Variants in ITGA9 observed in about 807,000 individuals in gnomAD.
ITGA9 encodes the protein integrin alpha-9.
Under a neutral mutation model 127.8 loss-of-function variants are expected in ITGA9, and 56 were observed. The ratio of observed to expected loss-of-function variants is 0.44; its 90% confidence interval spans 0.35 to 0.55. The LOEUF (loss-of-function observed/expected upper bound fraction) is 0.55, where lower values mean the gene tolerates loss of function less well. Ranked by LOEUF, ITGA9 falls within the 20% of genes least tolerant of loss-of-function variation. ITGA9 has a pLI of 0.00. For missense variants in ITGA9, 1,196 were observed against 1,347.1 expected (o/e 0.89, Z 1.76); for synonymous variants, 508 against 514.5 (o/e 0.99, Z 0.17).
At chr3:37,526,889 T>C (rs985226931) in intron 13 of ITGA9, among the ~76,000 whole-genome samples, 4 of 152,256 alleles carry the variant, frequency 2.6e-5, no homozygotes, top group Admixed American at 1.3e-4. Flanking sequence ...ACTGCAGGGC[T>C]ACACAGCCTC....
intron 16 of ITGA9, among the ~76,000 whole-genome samples, chr3:37,641,076 G>A (rs868837043): frequency 9.9e-5 from 15 of 152,134 alleles, no homozygotes; most frequent in Admixed American, 2.0e-4. Context: ...CTGCAGGCCC[G>A]TGGGTGGGCT....
intron 12 of ITGA9, among the ~76,000 whole-genome samples, chr3:37,524,422 T>C (rs1234704302): frequency 2.6e-5 from 4 of 152,306 alleles, no homozygotes; most frequent in Middle Eastern, 3.4e-3. Flanking sequence ...GGACACCACA[T>C]TGTGTATTTT....
chr3:37,452,639 C>G lies in ITGA9; in HGVS notation c.185+80C>G, dbSNP rs1440799713. The G allele has an allele frequency of 2.4e-6, 3 of 1,249,516 alleles. No homozygotes were observed. Among genetic ancestry groups the G allele is most frequent in the Non-Finnish European group, 3.2e-6 (3 of 947,978 alleles). 77.4% of individuals were successfully genotyped at this position (1,249,516 alleles called of 1,614,324 possible). On this transcript the variant is annotated intron_variant, in intron 1 of 27. Transcript: ENST00000264741. This position sits in a 1 kb window ranked among gnomAD's most constrained non-coding sequence, Gnocchi z 7.3. ...CCAGGCCAGCGCCGCCGCCGCCTTTCCGGTCTCTTCCACGCCGCCGTCCCG... is the reference window on the plus strand; with the variant it reads ...CCAGGCCAGCGCCGCCGCCGCCTTTGCGGTCTCTTCCACGCCGCCGTCCCG...
intron 15 of ITGA9, among the ~76,000 whole-genome samples, chr3:37,566,352 T>G (rs1029810642): frequency 6.6e-6 from 1 of 152,182 alleles, no homozygotes; most frequent in African/African-American, 2.4e-5. Context: ...GGCATGAGAT[T>G]TCATCACACT....
At chr3:37,811,691 C>G (rs989426088) in intron 27 of ITGA9, among the ~76,000 whole-genome samples, 1 of 152,224 alleles carries the variant, frequency 6.6e-6, no homozygotes, top group African/African-American at 2.4e-5. Context: ...AGGACCCTCT[C>G]TCTCCCATTT....
chr3:37,741,326 A>G (rs1696430325), intron 20 of ITGA9, among the ~76,000 whole-genome samples: 1 of 136,426 alleles, frequency 7.3e-6, no homozygotes, highest in African/African-American at 2.8e-5. Flanking sequence ...GAGTCAGTGG[A>G]TAAAGGCCTG....
At chr3:37,656,953 G>GTT (rs930121494) in intron 17 of ITGA9, among the ~76,000 whole-genome samples, 16 of 150,412 alleles carry the variant, frequency 1.1e-4, no homozygotes, top group Non-Finnish European at 3.0e-5. Context: ...ATAATCATGT[G>GTT]TTTTTTTTTC....
intron 1 of ITGA9, among the ~76,000 whole-genome samples, chr3:37,470,118 A>G (rs1698412678): frequency 6.9e-6 from 1 of 143,932 alleles, no homozygotes. Flanking sequence ...TCTAGCACTG[A>G]TGGGCCTTTA....
chr3:37,743,824 C>T, intron 21 of ITGA9, 102 bp from the exon 22 acceptor site: 1 of 844,148 alleles, frequency 1.2e-6, no homozygotes, highest in Non-Finnish European at 2.1e-6. Flanking sequence ...GGGTGCAAGA[C>T]ACTGGATTAA....
At chr3:37,760,662 AAAAC>A (rs541187663) in intron 23 of ITGA9, among the ~76,000 whole-genome samples, 25 of 152,328 alleles carry the variant, frequency 1.6e-4, no homozygotes, top group African/African-American at 5.3e-4. Flanking sequence ...CTCACAGAAA[AAAAC>A]AAACAAACAA....
chr3:37,633,614 A>C (rs1000216974), intron 16 of ITGA9, among the ~76,000 whole-genome samples: 9 of 152,200 alleles, frequency 5.9e-5, no homozygotes, highest in Middle Eastern at 6.3e-3. Flanking sequence ...ATTTGAACTA[A>C]AATTAACTGC....
chr3:37,467,612 T>C (rs749711415), intron 1 of ITGA9, among the ~76,000 whole-genome samples: 3 of 152,238 alleles, frequency 2.0e-5, no homozygotes, highest in Non-Finnish European at 2.9e-5. Context: ...TTGCAGCCTT[T>C]TCCCTTCCCT....
intron 8 of ITGA9, 34 bp from the exon 9 acceptor site, chr3:37,513,729 C>G: frequency 6.2e-7 from 1 of 1,613,902 alleles, no homozygotes; most frequent in Non-Finnish European, 8.5e-7. Flanking sequence ...AGAGCAGACA[C>G]TGAATGCTTT....
chr3:37,561,060 G>T (rs1022163684), intron 15 of ITGA9, among the ~76,000 whole-genome samples: 15 of 152,118 alleles, frequency 9.9e-5, no homozygotes, highest in African/African-American at 3.6e-4. Flanking sequence ...TGAGGGCCTC[G>T]TTTTAATTTA....
intron 4 of ITGA9, among the ~76,000 whole-genome samples, chr3:37,487,015 T>C (rs1488200062): frequency 6.6e-6 from 1 of 152,202 alleles, no homozygotes; most frequent in African/African-American, 2.4e-5. Flanking sequence ...TTAAAAGTGG[T>C]CTCCACAAGG....
intron 2 of ITGA9, among the ~76,000 whole-genome samples, chr3:37,471,620 G>A (rs895143267): frequency 6.6e-6 from 1 of 152,202 alleles, no homozygotes; most frequent in Non-Finnish European, 1.5e-5. Flanking sequence ...AAGGCAGGCT[G>A]GGGCCAGGCC....
chr3:37,538,369 G>T (rs1370709655), intron 14 of ITGA9, among the ~76,000 whole-genome samples: 2 of 152,248 alleles, frequency 1.3e-5, no homozygotes, highest in Non-Finnish European at 2.9e-5. Flanking sequence ...GGGCAGGGCA[G>T]GGAGGTGGCT....
intron 15 of ITGA9, among the ~76,000 whole-genome samples, chr3:37,605,880 A>C (rs1013761143): frequency 6.6e-6 from 1 of 152,102 alleles, no homozygotes; most frequent in Admixed American, 6.5e-5. Flanking sequence ...GAAATGATTA[A>C]ACCCTTTTTT....
intron 18 of ITGA9, among the ~76,000 whole-genome samples, chr3:37,700,878 G>A (rs1700938789): frequency 6.6e-6 from 1 of 152,200 alleles, no homozygotes; most frequent in African/African-American, 2.4e-5. Context: ...CAATGTAGGG[G>A]TTTGGAGAAA....
Sources: allele counts gnomAD v4.1 joint callset (sites outside exome capture counted in the v4.1 genomes callset), GRCh38; gene constraint gnomAD v4.1.1; non-coding constraint Gnocchi (gnomAD v3.1); transcripts MANE v1.5; gene names NCBI Gene and HGNC (gene_info 2026-07-23, HGNC 2026-07-21).